VPS13B: variants seen among roughly 807,000 people sequenced by gnomAD.
The protein encoded by VPS13B is intermembrane lipid transfer protein VPS13B.
In VPS13B, 285 loss-of-function variants were observed where a neutral mutation model predicts 426.4. The ratio of observed to expected loss-of-function variants is 0.67; its 90% CI spans 0.61 to 0.74. The LOEUF (loss-of-function observed/expected upper bound fraction) is 0.74. VPS13B is among the 30% of genes least tolerant of loss of function. The pLI, the probability that VPS13B is intolerant of heterozygous loss-of-function variation, is 0.00. For missense variants in VPS13B, 4,537 were observed against 4,782.6 expected (o/e 0.95, Z 1.51); for synonymous variants, 1,676 against 1,676.4 (o/e 1.00, Z 0.01).
chr8:99,791,076 G>A (rs59060675), intron 43 of VPS13B, among the ~76,000 whole-genome samples: 2,924 of 152,236 alleles, frequency 0.019, 99 homozygotes, highest in African/African-American at 0.067. Flanking sequence ...TTGGCCCAGC[G>A]GATGACAGTG....
chr8:99,250,592 G>A (rs1448003409), intron 17 of VPS13B, among the ~76,000 whole-genome samples: 3 of 144,050 alleles, frequency 2.1e-5, no homozygotes, highest in Non-Finnish European at 4.5e-5. Context: ...TTGCACCTAT[G>A]TGAGAAATTA....
intron 19 of VPS13B, among the ~76,000 whole-genome samples, chr8:99,360,174 CTT>C (rs1207244121): frequency 1.9e-3 from 69 of 37,054 alleles, no homozygotes; most frequent in South Asian, 0.011. Flanking sequence ...TTCTTTCTTT[CTT>C]TCTTTCTTTC....
At chr8:99,443,339 T>C (rs1817765241) in intron 23 of VPS13B, among the ~76,000 whole-genome samples, 1 of 152,150 alleles carries the variant, frequency 6.6e-6, no homozygotes, top group African/African-American at 2.4e-5. Flanking sequence ...AATCCTGATA[T>C]CACTGAAATT....
chr8:99,471,779 A>G (rs1220816456), intron 24 of VPS13B, among the ~76,000 whole-genome samples: 1 of 152,130 alleles, frequency 6.6e-6, no homozygotes, highest in Non-Finnish European at 1.5e-5. Context: ...GGTTTCTGCC[A>G]TGCTACACCT....
At chr8:99,186,169 A>G (rs975221651) in intron 16 of VPS13B, among the ~76,000 whole-genome samples, 3 of 152,148 alleles carry the variant, frequency 2.0e-5, no homozygotes, top group Non-Finnish European at 2.9e-5. Context: ...TAAAGAAATT[A>G]TTTTATATTC....
chr8:99,607,481 C>G (rs1368981278), intron 33 of VPS13B, among the ~76,000 whole-genome samples: 2 of 152,172 alleles, frequency 1.3e-5, no homozygotes, highest in African/African-American at 2.4e-5. Flanking sequence ...AGGTATTTCC[C>G]TCACTCCCAT....
chr8:99,611,330 T>C (rs767636181), intron 33 of VPS13B, among the ~76,000 whole-genome samples: 4 of 152,162 alleles, frequency 2.6e-5, no homozygotes, highest in Non-Finnish European at 5.9e-5. Context: ...GCTTTATTTG[T>C]GATATATTTT....
chr8:99,111,420 A>G (rs1847361610), intron 6 of VPS13B, 141 bp downstream of exon 6: 4 of 631,850 alleles, frequency 6.3e-6, no homozygotes, highest in East Asian at 3.2e-5. Flanking sequence ...AATTTTATTT[A>G]TGTTTATGAT....
At chr8:99,103,318 T>G (rs1846860286) in intron 5 of VPS13B, among the ~76,000 whole-genome samples, 198 bp downstream of exon 5, 1 of 152,062 alleles carries the variant, frequency 6.6e-6, no homozygotes, top group Admixed American at 6.6e-5. Context: ...TTCAGAAATC[T>G]ATACTTGTGG....
chr8:99,740,716 C>A (rs1809668962), intron 39 of VPS13B, among the ~76,000 whole-genome samples: 1 of 152,092 alleles, frequency 6.6e-6, no homozygotes, highest in South Asian at 2.1e-4. Context: ...TCATATCCAG[C>A]CAAACTAAGC....
chr8:99,421,797 C>A (rs1411428242), intron 21 of VPS13B, among the ~76,000 whole-genome samples: 1 of 152,096 alleles, frequency 6.6e-6, no homozygotes, highest in East Asian at 1.9e-4. Flanking sequence ...CCTGTCTCAG[C>A]CTCCCGAGCA....
chr8:99,418,949 A>C (rs561380000), intron 21 of VPS13B, among the ~76,000 whole-genome samples: 3 of 152,322 alleles, frequency 2.0e-5, no homozygotes, highest in African/African-American at 7.2e-5. Flanking sequence ...ATCTTCCTTC[A>C]GGTCCTACTG....
chr8:99,614,332 C>T (rs1038204217), intron 33 of VPS13B, among the ~76,000 whole-genome samples: 1 of 151,996 alleles, frequency 6.6e-6, no homozygotes, highest in Non-Finnish European at 1.5e-5. Context: ...GGCTGGAGTG[C>T]AATGGCGCAG....
At chr8:99,238,434 G>A (rs1177009541) in intron 17 of VPS13B, among the ~76,000 whole-genome samples, 1 of 152,118 alleles carries the variant, frequency 6.6e-6, no homozygotes, top group Non-Finnish European at 1.5e-5. Context: ...TGGCCATGGG[G>A]CAAGCTTAGG....
At chr8:99,179,704 T>A (rs925126784) in intron 16 of VPS13B, among the ~76,000 whole-genome samples, 10 of 152,242 alleles carry the variant, frequency 6.6e-5, no homozygotes, top group African/African-American at 2.4e-4. Context: ...CCACTCGTTT[T>A]ATTTTAAGCT....
At chr8:99,498,102 A>C (rs1168148378) in intron 25 of VPS13B, among the ~76,000 whole-genome samples, 1 of 152,104 alleles carries the variant, frequency 6.6e-6, no homozygotes, top group Non-Finnish European at 1.5e-5. Flanking sequence ...ATGTCTTTAA[A>C]TTATTGGCTA....
At chr8:99,458,559 T>C (rs1203391117) in intron 23 of VPS13B, among the ~76,000 whole-genome samples, 1 of 151,970 alleles carries the variant, frequency 6.6e-6, no homozygotes, top group Non-Finnish European at 1.5e-5. Flanking sequence ...TTCCTATTTC[T>C]CCACATCCTC....
At position 99,581,869 on chromosome 8, in the gene VPS13B, C is replaced by T. The variant is rs377106273; in HGVS notation, c.5220+4236C>T. On this transcript the variant is annotated intron_variant, in intron 33 of 61. Transcript: ENST00000357162. ...AGTACATTTCCTTCCTTATCTAGCT[C>T]GCTGCGATAGTTCACCATCCCATTC... is the stretch of plus-strand genomic sequence containing the variant. Among the ~76,000 whole-genome samples the T allele has an allele frequency of 1.6e-4, 24 of 152,288 alleles. No individual in the cohort carries two copies. The East Asian group carries it at 2.7e-3, about 17-fold the overall frequency.
At position 99,833,690 on chromosome 8, in the gene VPS13B, A is replaced by G. The variant is rs536368251; in HGVS notation, c.9614+1038A>G. Among the ~76,000 whole-genome samples the G allele has an allele frequency of 4.3e-4, 66 of 152,346 alleles. No individual in the cohort carries two copies. In the East Asian group the frequency reaches 0.011, roughly 25 times the overall value. On this transcript the variant is annotated intron_variant, in intron 52 of 61. Transcript: ENST00000357162. ...TTTTTGAAAGCTATATGAACTTATA[A>G]TAAATAAAACATTTTTTAAAAAACA...
Sources: allele counts gnomAD v4.1 joint callset (sites outside exome capture counted in the v4.1 genomes callset), GRCh38; gene constraint gnomAD v4.1.1; transcripts MANE v1.5; gene names NCBI Gene and HGNC (gene_info 2026-07-23, HGNC 2026-07-21).